AGT: variants seen among roughly 807,000 people sequenced by gnomAD.
AGT encodes the protein alpha-1 antiproteinase, antitrypsin.
A neutral mutation model predicts 28.1 loss-of-function variants in AGT; 26 were observed. The ratio of observed to expected loss-of-function variants is 0.92; its 90% CI spans 0.68 to 1.28. The LOEUF (loss-of-function observed/expected upper bound fraction) is 1.28, where lower values mean the gene tolerates loss of function less well. AGT is among the 50% of genes most tolerant of loss of function. The pLI, the probability that AGT is intolerant of heterozygous loss-of-function variation, is 0.00. For missense variants in AGT, 596 were observed against 592.3 expected (o/e 1.01, Z -0.06); for synonymous variants, 259 against 259.6 (o/e 1.00, Z 0.02).
At chr1:230,726,667 G>T (rs1453980320) in intron 1 of AGT, among the ~76,000 whole-genome samples, 2 of 152,052 alleles carry the variant, frequency 1.3e-5, no homozygotes, top group Admixed American at 1.3e-4. Flanking sequence ...GAGTCTAATG[G>T]GTGAATGAAT....
Position 230,702,540 on chromosome 1 carries a change from T to G in AGT, c.*601A>C, listed in dbSNP as rs1381415801. The G allele has an allele frequency of 1.9e-5, 3 of 155,650 alleles. No homozygotes were observed. Among genetic ancestry groups the G allele is most frequent in the African/African-American group, 7.2e-5 (3 of 41,476 alleles). The allele number at this position is 155,650 out of a possible 1,614,324, so 9.6% of individuals were successfully genotyped here. Reference sequence around the variant, plus strand: ...AGATAAAATTTTTGGAGGCTTATTGTGGCAAGACGTTTATTACTAACACAA... The same window carrying G: ...AGATAAAATTTTTGGAGGCTTATTGGGGCAAGACGTTTATTACTAACACAA... On this transcript the variant is annotated 3_prime_UTR_variant, in exon 5 of 5. Transcript: ENST00000366667.
At chr1:230,716,184 C>T (rs1663731756), upstream of AGT, among the ~76,000 whole-genome samples, 1 of 152,126 alleles carries the variant, frequency 6.6e-6, no homozygotes, top group Admixed American at 6.6e-5. Context: ...CTTTAAAGCT[C>T]ATTAAAATCA....
Position 230,742,834 on chromosome 1 carries a change from A to G in AGT, c.-31+2681T>C, listed in dbSNP as rs536378921. 2.0e-5 allele frequency among the ~76,000 whole-genome samples: 3 copies of G among 152,220 alleles called. No homozygotes were observed. In the South Asian group the frequency reaches 6.2e-4, roughly 32 times the overall value. On this transcript the variant is annotated intron_variant, in intron 1 of 4. Transcript: ENST00000681269. ...AAATGAGCAAGCTGGTATACCTTTC[A>G]CTTTTCGGGGTGCGGCTCTATCATC...
chr1:230,722,942 G>A (rs992947910), intron 1 of AGT, among the ~76,000 whole-genome samples: 5 of 152,284 alleles, frequency 3.3e-5, no homozygotes, highest in African/African-American at 7.2e-5. Context: ...GGGAAGGGCC[G>A]GTGGAGAATG....
At chr1:230,707,676 G>A (rs2102788431) in intron 2 of AGT, among the ~76,000 whole-genome samples, 1 of 152,342 alleles carries the variant, frequency 6.6e-6, no homozygotes, top group South Asian at 2.1e-4. Context: ...GGGCTGGCAA[G>A]GCTTTTAGTT....
intron 1 of AGT, among the ~76,000 whole-genome samples, chr1:230,722,278 A>G (rs1663860423): frequency 6.6e-6 from 1 of 152,230 alleles, no homozygotes; most frequent in Non-Finnish European, 1.5e-5. Context: ...ATTTCAGAGT[A>G]TGTATGGAAA....
upstream of AGT, among the ~76,000 whole-genome samples, chr1:230,719,379 A>ATT (rs1260529638): frequency 4.4e-3 from 587 of 133,350 alleles, 2 homozygotes; most frequent in African/African-American, 0.016. Flanking sequence ...ATTTCTTTCT[A>ATT]TTTTTTATTA....
chr1:230,742,411 G>A (rs994873153), intron 1 of AGT, among the ~76,000 whole-genome samples: 1 of 152,200 alleles, frequency 6.6e-6, no homozygotes, highest in Non-Finnish European at 1.5e-5. Context: ...CACCTCCCGG[G>A]TTCAAGCAAT....
intron 3 of AGT, among the ~76,000 whole-genome samples, chr1:230,704,556 A>G (rs1421129136): frequency 1.3e-5 from 2 of 152,266 alleles, no homozygotes; most frequent in East Asian, 1.9e-4. Context: ...GGGACATAGA[A>G]GATTTACCGA....
chr1:230,712,650 C>T (rs548880411), intron 1 of AGT, among the ~76,000 whole-genome samples: 2 of 152,320 alleles, frequency 1.3e-5, no homozygotes, highest in South Asian at 2.1e-4. Flanking sequence ...TGGCGCTGGT[C>T]GATGCAGCCC....
intron 1 of AGT, among the ~76,000 whole-genome samples, chr1:230,721,639 G>C (rs938513876): frequency 1.3e-5 from 2 of 152,200 alleles, no homozygotes; most frequent in Non-Finnish European, 2.9e-5. Flanking sequence ...TGTTGATAGA[G>C]ATGTTGACAA....
At chr1:230,719,790 G>A (rs897179445) in intron 1 of AGT, among the ~76,000 whole-genome samples, 2 of 152,206 alleles carry the variant, frequency 1.3e-5, no homozygotes, top group Non-Finnish European at 2.9e-5. Context: ...GAAATGAGTC[G>A]TTTACCTCTA....
intron 1 of AGT, among the ~76,000 whole-genome samples, chr1:230,732,030 G>A (rs1034978385): frequency 3.3e-5 from 5 of 151,978 alleles, no homozygotes; most frequent in African/African-American, 9.7e-5. Flanking sequence ...CCAGAGAAGA[G>A]CCCTGCCCAC....
intron 1 of AGT, among the ~76,000 whole-genome samples, chr1:230,726,641 C>G (rs1252214597): frequency 6.6e-6 from 1 of 152,134 alleles, no homozygotes; most frequent in South Asian, 2.1e-4. Context: ...TCATTACATC[C>G]TTAATCAATA....
At chr1:230,727,344 A>G (rs1224301917) in intron 1 of AGT, among the ~76,000 whole-genome samples, 1 of 152,230 alleles carries the variant, frequency 6.6e-6, no homozygotes, top group Admixed American at 6.5e-5. Context: ...CCAAACATCC[A>G]GATTGTGAAT....
chr1:230,736,685 C>T lies in AGT; in HGVS notation c.-31+8830G>A, dbSNP rs1012721934. Among the ~76,000 whole-genome samples, 5 of 152,082 alleles carry T rather than the reference C, an allele frequency of 3.3e-5. No homozygotes were observed. The South Asian group carries it at 1.0e-3, about 32-fold the overall frequency. On this transcript the variant is annotated intron_variant, in intron 1 of 4. Transcript: ENST00000681269. ...TTTTCACTACCTCAGCTTTCTTTTC[C>T]CCCTAAGTAGTCAGTGACATGGTGG...
upstream of AGT, among the ~76,000 whole-genome samples, chr1:230,718,974 C>T (rs1558291132): frequency 6.6e-6 from 1 of 152,114 alleles, no homozygotes; most frequent in Admixed American, 6.5e-5. Flanking sequence ...AGTGATCTGC[C>T]CACCTCAGCC....
At chr1:230,729,192 T>C (rs930737518) in intron 1 of AGT, among the ~76,000 whole-genome samples, 11 of 152,246 alleles carry the variant, frequency 7.2e-5, no homozygotes, top group African/African-American at 2.6e-4. Context: ...ACCCCCACCT[T>C]CCACTCTCTC....
intron 1 of AGT, among the ~76,000 whole-genome samples, chr1:230,719,888 C>G (rs1663811296): frequency 6.6e-6 from 1 of 152,158 alleles, no homozygotes; most frequent in African/African-American, 2.4e-5. Flanking sequence ...GTGATTGCTG[C>G]CTGATGCACT....
Sources: gnomAD v4.1 joint callset for allele counts (sites outside exome capture counted in the v4.1 genomes callset) on GRCh38, gnomAD v4.1.1 for gene constraint, MANE v1.5 for transcripts, NCBI Gene and HGNC (gene_info 2026-07-23, HGNC 2026-07-21) for gene names.